ATP6V0A2: variants seen among roughly 807,000 people sequenced by gnomAD.
The protein encoded by ATP6V0A2 is V-type proton ATPase 116 kDa subunit a 2.
A neutral mutation model predicts 104.4 loss-of-function variants in ATP6V0A2; 58 were observed. The ratio of observed to expected loss-of-function variants is 0.56; its 90% confidence interval spans 0.45 to 0.69. The LOEUF (loss-of-function observed/expected upper bound fraction) is 0.69. Among genes scored for constraint, ATP6V0A2 ranks in the 30% least tolerant of loss-of-function variants. The pLI is 0.00. For synonymous variants in ATP6V0A2, 376 were observed against 397.9 expected (o/e 0.95, Z 0.65); for missense variants, 938 against 1,062.9 (o/e 0.88, Z 1.63).
intron 8 of ATP6V0A2, 151 bp downstream of exon 8, chr12:123,735,775 C>G: frequency 1.3e-6 from 1 of 751,894 alleles, no homozygotes; most frequent in Non-Finnish European, 2.3e-6. Context: ...TCCCTCCTCC[C>G]CATGGAAGTT....
Position 123,743,709 on chromosome 12 carries a change from A to G in ATP6V0A2, c.1039-76A>G, listed in dbSNP as rs957779737. Reference sequence around the variant, plus strand: ...AAAAAAACCAAAAAACAAAGCAGTAACCCAGATTCGTTGAATATGGATAGT... The same window carrying G: ...AAAAAAACCAAAAAACAAAGCAGTAGCCCAGATTCGTTGAATATGGATAGT... On this transcript the variant is annotated intron_variant, in intron 9 of 19. Transcript: ENST00000330342. 3.9e-6 allele frequency: 6 copies of G among 1,556,364 alleles called. No homozygotes were observed. The South Asian group carries it at 6.7e-5, about 17-fold the overall frequency.
intron 5 of ATP6V0A2, among the ~76,000 whole-genome samples, chr12:123,726,552 AT>A (rs1260404355): frequency 5.3e-5 from 8 of 152,258 alleles, no homozygotes; most frequent in Admixed American, 4.6e-4. Context: ...TGTTACTTCT[AT>A]AAGCCTAAAA....
chr12:123,717,444 T>C (rs1437417089), intron 1 of ATP6V0A2, among the ~76,000 whole-genome samples: 15 of 100,732 alleles, frequency 1.5e-4, no homozygotes, highest in African/African-American at 4.2e-4. Flanking sequence ...TTTTCTTTCT[T>C]TCTTTTTTTT....
intron 13 of ATP6V0A2, among the ~76,000 whole-genome samples, chr12:123,746,639 T>TAAAA (rs760374381): frequency 9.6e-5 from 8 of 83,600 alleles, no homozygotes; most frequent in South Asian, 4.1e-4. Flanking sequence ...CCCCTTACCT[T>TAAAA]AAAAAAAAAA....
rs201953013 is a variant in ATP6V0A2, at chr12:123,724,543, GAAAA to G, written c.295-107_295-104del. 2,335 of 1,017,118 alleles carry G rather than the reference GAAAA, an allele frequency of 2.3e-3. 26 individuals carry two copies. In the African/African-American group the frequency reaches 0.032, roughly 14 times the overall value. 63.0% of individuals were successfully genotyped at this position (1,017,118 alleles called of 1,614,324 possible). A position where few individuals can be genotyped will look rare whatever the true frequency, so the allele number is the denominator to read the frequency against. ...GACTCCATCTCAAAAAAAAAAAAAAGAAAAAAACAAAACAAAAAAACCCACTGTT... is the reference window on the plus strand; with the variant it reads ...GACTCCATCTCAAAAAAAAAAAAAAGAAACAAAACAAAAAAACCCACTGTT... On this transcript the variant is annotated intron_variant, in intron 3 of 19. Coordinates refer to ENST00000330342, the MANE Select transcript of ATP6V0A2 (RefSeq NM_012463.4).
At position 123,760,160 on chromosome 12, in the gene ATP6V0A2, A is replaced by C. The variant is rs1324008200; in HGVS notation, c.*2128A>C. The C allele has an allele frequency of 1.4e-5, 2 of 147,758 alleles. No individual in the cohort carries two copies. The highest frequency in any genetic ancestry group is 5.4e-5 in the African/African-American group (2 of 37,190). The allele number at this position is 147,758 out of a possible 1,614,324, so 9.2% of individuals were successfully genotyped here. A position where few individuals can be genotyped will look rare whatever the true frequency, so the allele number is the denominator to read the frequency against. On this transcript the variant is annotated 3_prime_UTR_variant, in exon 20 of 20. Transcript: ENST00000330342. ...TTGGTAAATAAGGGACACGATATTCACGGGAATTGTTTACTGCTCCCCACT... is the reference window on the plus strand; with the variant it reads ...TTGGTAAATAAGGGACACGATATTCCCGGGAATTGTTTACTGCTCCCCACT...
rs1463697366 is a variant in ATP6V0A2 at position 123,737,050 on chromosome 12, C to T, written c.826-9C>T. 1 of 1,614,078 alleles carries T rather than the reference C, an allele frequency of 6.2e-7. No individual in the cohort carries two copies. Among genetic ancestry groups the T allele is most frequent in the Admixed American group, 1.7e-5 (1 of 60,022 alleles). ...CACTCCACTGAAAGCCCCTGTTGTTCTTCCCCAGGTACTGCACAAAACCGA... is the reference window on the plus strand; with the variant it reads ...CACTCCACTGAAAGCCCCTGTTGTTTTTCCCCAGGTACTGCACAAAACCGA... On this transcript the variant is annotated splice_polypyrimidine_tract_variant and intron_variant, in intron 8 of 19. Coordinates refer to ENST00000330342, the MANE Select transcript of ATP6V0A2 (RefSeq NM_012463.4).
chr12:123,726,533 G>A (rs1019993784), intron 5 of ATP6V0A2, among the ~76,000 whole-genome samples: 7 of 152,196 alleles, frequency 4.6e-5, no homozygotes, highest in African/African-American at 1.2e-4. Flanking sequence ...CAACATTTAC[G>A]TGATTCAGTG....
intron 18 of ATP6V0A2, among the ~76,000 whole-genome samples, chr12:123,755,675 C>CTT (rs746133867): frequency 7.0e-6 from 1 of 143,720 alleles, no homozygotes. Flanking sequence ...CCCTAATAAA[C>CTT]TTTTTTTTTT....
rs1335809083 is a variant in ATP6V0A2, at chr12:123,760,980, C to T, written c.*2948C>T. 6.6e-6 allele frequency: 1 copy of T among 152,232 alleles called. No homozygotes were observed. The highest frequency in any genetic ancestry group is 6.5e-5 in the Admixed American group (1 of 15,278). The allele number at this position is 152,232 out of a possible 1,614,324, so 9.4% of individuals were successfully genotyped here. On this transcript the variant is annotated 3_prime_UTR_variant, in exon 20 of 20. Transcript: ENST00000330342. Reference sequence around the variant, plus strand: ...GAAGTGCAGTGGTGCAGTCTCGGCTCACTGCAACCTCTGCCTCCTGGGTTT... The same window carrying T: ...GAAGTGCAGTGGTGCAGTCTCGGCTTACTGCAACCTCTGCCTCCTGGGTTT...
Position 123,754,174 on chromosome 12 carries a change from G to T in ATP6V0A2, c.2176-246G>T, listed in dbSNP as rs1005379989. 1.7e-5 allele frequency: 10 copies of T among 596,048 alleles called. No individual in the cohort carries two copies. In the Admixed American group the frequency reaches 2.9e-4, roughly 18 times the overall value. 36.9% of individuals were successfully genotyped at this position (596,048 alleles called of 1,614,324 possible). Reference sequence around the variant, plus strand: ...TGGTTTACACAGGGGAGTCTGAGGCGTGCGGTGGGAGTGGGGCTGATGAAG... The same window carrying T: ...TGGTTTACACAGGGGAGTCTGAGGCTTGCGGTGGGAGTGGGGCTGATGAAG... On this transcript the variant is annotated intron_variant, in intron 17 of 19. Coordinates refer to ENST00000330342, the MANE Select transcript of ATP6V0A2 (RefSeq NM_012463.4).
chr12:123,740,944 T>G (rs1956603415), intron 9 of ATP6V0A2, among the ~76,000 whole-genome samples: 1 of 152,176 alleles, frequency 6.6e-6, no homozygotes, highest in African/African-American at 2.4e-5. Context: ...CTTTTTCCTG[T>G]CCTGTATTTT....
At chr12:123,742,701 G>A (rs1345897632) in intron 9 of ATP6V0A2, among the ~76,000 whole-genome samples, 3 of 151,994 alleles carry the variant, frequency 2.0e-5, no homozygotes, top group Admixed American at 2.0e-4. Context: ...ACCAGGCGTG[G>A]TGGTGTGCAA....
chr12:123,735,957 C>T (rs1005532786), intron 8 of ATP6V0A2, among the ~76,000 whole-genome samples: 1 of 152,140 alleles, frequency 6.6e-6, no homozygotes, highest in Admixed American at 6.5e-5. Context: ...ACTGCAACCT[C>T]TGCCTCCTGG....
rs772770008 is a variant in ATP6V0A2 at position 123,758,523 on chromosome 12, CTTT to C, written c.*504_*506del. ...ATTCTGCTGGATTTAAAAATATGTA[CTTT>C]TTTTTTTTTTTTGAGATGAAGTCTT... On this transcript the variant is annotated 3_prime_UTR_variant, in exon 20 of 20. Coordinates refer to ENST00000330342, the MANE Select transcript of ATP6V0A2 (RefSeq NM_012463.4). The C allele has an allele frequency of 2.9e-5, 4 of 140,066 alleles. No individual in the cohort carries two copies. The highest frequency in any genetic ancestry group is 2.1e-4 in the East Asian group (1 of 4,846). 8.7% of individuals were successfully genotyped at this position (140,066 alleles called of 1,614,324 possible). A position where few individuals can be genotyped will look rare whatever the true frequency, so the allele number is the denominator to read the frequency against.
Position 123,752,314 on chromosome 12 carries a change from A to C in ATP6V0A2, c.2087A>C (p.Glu696Ala). The change falls in exon 17 of 20, where the codon GAG becomes GCG. Residue 696 changes from glutamate to alanine, a missense_variant. Coordinates refer to ENST00000330342, the MANE Select transcript of ATP6V0A2 (RefSeq NM_012463.4). ...SGYTLIRKDS[E>A]EEVSLLGSQD... ...TACACACTTATAAGGAAAGATAGTG[A>C]GGAAGAAGTTTCATTGCTGGGAAGC... 1 of 1,614,184 alleles carries C rather than the reference A, an allele frequency of 6.2e-7. No homozygotes were observed. The highest frequency in any genetic ancestry group is 8.5e-7 in the Non-Finnish European group (1 of 1,180,030).
At chr12:123,735,771 C>A in intron 8 of ATP6V0A2, 147 bp downstream of exon 8, 1 of 765,092 alleles carries the variant, frequency 1.3e-6, no homozygotes, top group Non-Finnish European at 2.2e-6. Context: ...TCCCTCCCTC[C>A]TCCCCATGGA....
chr12:123,749,014 G>A (rs1354378605), intron 15 of ATP6V0A2, among the ~76,000 whole-genome samples: 1 of 152,168 alleles, frequency 6.6e-6, no homozygotes, highest in African/African-American at 2.4e-5. Context: ...AAGAGGCCAG[G>A]CATAGTGGCT....
chr12:123,744,246 T>C lies in ATP6V0A2; in HGVS notation c.1235T>C (p.Phe412Ser). 1.2e-6 allele frequency: 2 copies of C among 1,614,222 alleles called. No individual in the cohort carries two copies. The highest frequency in any genetic ancestry group is 1.7e-6 in the Non-Finnish European group (2 of 1,180,024). The part of the protein sequence containing the change: ...ITFPFLFAVM[F>S]GDFGHGFVMF... ...TTCCCGTTTTTATTTGCTGTGATGT[T>C]TGGAGACTTCGGACATGGCTTTGTG... Residue 412 changes from phenylalanine to serine, a missense_variant, in exon 11 of 20, where the codon TTT (phenylalanine) becomes TCT (serine). Phe to Ser is a radical substitution (Grantham distance 155). Transcript: ENST00000330342. The surrounding 1 kb of genome is among the most constrained non-coding windows in gnomAD (Gnocchi z 5.4).
Sources: gnomAD v4.1 joint callset for allele counts (sites outside exome capture counted in the v4.1 genomes callset) on GRCh38, gnomAD v4.1.1 for gene constraint, Gnocchi (gnomAD v3.1) non-coding constraint, MANE v1.5 for transcripts, NCBI Gene and HGNC (gene_info 2026-07-23, HGNC 2026-07-21) for gene names.